Variants in POLQ observed in about 807,000 individuals in gnomAD.
The protein encoded by POLQ is epididymis secretory sperm binding protein.
Under a neutral mutation model 259.2 loss-of-function variants are expected in POLQ, and 233 were observed. That is an observed-to-expected ratio of 0.90 (90% CI 0.81 to 1.00). POLQ has a LOEUF of 1.00. POLQ is among the 50% of genes least tolerant of loss of function. The pLI is 0.00. For missense variants in POLQ, 2,871 were observed against 3,051.6 expected (o/e 0.94, Z 1.39); for synonymous variants, 1,025 against 1,048.8 (o/e 0.98, Z 0.44).
intron 19 of POLQ, among the ~76,000 whole-genome samples, chr3:121,480,549 G>A (rs1169188274): frequency 6.6e-6 from 1 of 150,866 alleles, no homozygotes; most frequent in African/African-American, 2.4e-5. Flanking sequence ...TCAAACTTCT[G>A]GGCTCCAGTG....
At chr3:121,468,275 T>G in intron 23 of POLQ, 30 bp downstream of exon 23, 1 of 1,569,016 alleles carries the variant, frequency 6.4e-7, no homozygotes, top group Non-Finnish European at 8.6e-7. Flanking sequence ...CAAAAGTTTA[T>G]TAATACAGAT....
At position 121,490,204 on chromosome 3, in the gene POLQ, G is replaced by A; in HGVS notation, c.2727C>T (p.Cys909=). 2 of 1,613,704 alleles carry A rather than the reference G, an allele frequency of 1.2e-6. No homozygotes were observed. The highest frequency in any genetic ancestry group is 4.5e-5 in the East Asian group (2 of 44,880). Reference sequence around the variant, plus strand: ...CTTCGGACTCACTATGAGTCAATGAGCATGTACTAGAATGTAACAGGGCAC... The same window carrying A: ...CTTCGGACTCACTATGAGTCAATGAACATGTACTAGAATGTAACAGGGCAC... ...NPCALLHSST[C]SLTHSESEVK... The change falls in exon 16 of 30, where the codon TGC becomes TGT. Residue 909 remains cysteine, a synonymous_variant. Transcript: ENST00000264233.
chr3:121,529,239 G>A (rs945897075), intron 7 of POLQ, among the ~76,000 whole-genome samples: 1 of 152,134 alleles, frequency 6.6e-6, no homozygotes, highest in Non-Finnish European at 1.5e-5. Context: ...ATGTATGTAT[G>A]TGTGTATGAT....
intron 27 of POLQ, among the ~76,000 whole-genome samples, chr3:121,437,176 C>A (rs935650932): frequency 6.6e-6 from 1 of 152,046 alleles, no homozygotes; most frequent in African/African-American, 2.4e-5. Context: ...TGAAACCAGC[C>A]TGGGCAACAT....
At position 121,510,126 on chromosome 3, in the gene POLQ, C is replaced by A. The variant is rs2048242213; in HGVS notation, c.1729G>T (p.Val577Phe). 3 of 1,614,106 alleles carry A rather than the reference C, an allele frequency of 1.9e-6. No individual in the cohort carries two copies. In the East Asian group the frequency reaches 6.7e-5, roughly 36 times the overall value. Residue 577 changes from valine (V) to phenylalanine (F), a missense_variant, in exon 11 of 30, where the codon GTT (valine) becomes TTT (phenylalanine). Transcript: ENST00000264233. ...CAGGCCTCAATCGCTCCAAGCTGAA[C>A]AGACTCTTGATTTCTCTGAATTCCT... ...KQGIQRNQES[V>F]QLGAIEACVM...
At chr3:121,497,705 G>A (rs1219086354) in intron 13 of POLQ, among the ~76,000 whole-genome samples, 1 of 152,098 alleles carries the variant, frequency 6.6e-6, no homozygotes, top group Non-Finnish European at 1.5e-5. Context: ...CCAAAGTGCT[G>A]GGATTACAGG....
In POLQ at chr3:121,537,192, A is replaced by T; in HGVS notation, c.648T>A (p.Asp216Glu). The change falls in exon 5 of 30, where the codon GAT becomes GAA. Residue 216 changes from aspartate to glutamate, a missense_variant. By Grantham distance (45) the Asp-to-Glu change is conservative. Around this residue, in one of 3 missense-constraint regions of POLQ, gnomAD observed 783 missense variants for 906.2 expected, o/e 0.86. Coordinates refer to ENST00000264233, the MANE Select transcript of POLQ (RefSeq NM_199420.4). The stretch of plus-strand genomic sequence containing the variant: ...GAGAGTCTCCCAGCATATGTAATTC[A>T]TCCACAACCACCATTCCTAAAAAGA... ...KMDLLGMVVV[D>E]ELHMLGDSHR... 1 of 1,588,428 alleles carries T rather than the reference A, an allele frequency of 6.3e-7. No homozygotes were observed. The highest frequency in any genetic ancestry group is 8.6e-7 in the Non-Finnish European group (1 of 1,157,474).
At chr3:121,516,246 T>C (rs1280236388) in intron 9 of POLQ, among the ~76,000 whole-genome samples, 1 of 152,180 alleles carries the variant, frequency 6.6e-6, no homozygotes, top group African/African-American at 2.4e-5. Flanking sequence ...CAAAAATATA[T>C]ACAATTATAA....
chr3:121,446,778 T>C (rs376937538), intron 26 of POLQ, among the ~76,000 whole-genome samples: 1 of 152,222 alleles, frequency 6.6e-6, no homozygotes, highest in Non-Finnish European at 1.5e-5. Context: ...TTGATCTTTT[T>C]TGGTTTCCAT....
At chr3:121,540,732 C>T (rs2048483682) in intron 3 of POLQ, among the ~76,000 whole-genome samples, 1 of 152,124 alleles carries the variant, frequency 6.6e-6, no homozygotes, top group Non-Finnish European at 1.5e-5. Flanking sequence ...AATGCTGATT[C>T]TTAATGTGCG....
chr3:121,453,118 C>A (rs2047694607), intron 25 of POLQ, among the ~76,000 whole-genome samples: 1 of 152,220 alleles, frequency 6.6e-6, no homozygotes. Flanking sequence ...CTGTTGATAT[C>A]CAGGCAACCA....
chr3:121,511,459 G>A (rs186246431), intron 10 of POLQ, among the ~76,000 whole-genome samples: 66 of 152,006 alleles, frequency 4.3e-4, no homozygotes, highest in South Asian at 2.9e-3. Flanking sequence ...ATAACACAGC[G>A]AGACTCCATC....
chr3:121,470,333 C>T (rs1332890769), intron 22 of POLQ, among the ~76,000 whole-genome samples: 2 of 152,138 alleles, frequency 1.3e-5, no homozygotes, highest in African/African-American at 4.8e-5. Flanking sequence ...TTTTATTTTA[C>T]GTAAGTTTAT....
chr3:121,489,098 G>A lies in POLQ; in HGVS notation c.3833C>T (p.Ser1278Leu). The A allele has an allele frequency of 6.2e-7, 1 of 1,613,552 alleles. No homozygotes were observed. The highest frequency in any genetic ancestry group is 1.1e-5 in the South Asian group (1 of 91,070). Residue 1278 changes from serine (S) to leucine (L), a missense_variant, in exon 16 of 30, where the codon TCA becomes TTA. This residue lies in a region of POLQ where 2,080 missense variants were observed against 2,126.0 expected (regional missense o/e 0.98). Transcript: ENST00000264233. ...VLPSAGAFSK[S>L]EGQHENFLNI... ...TAGAAAATTCTCATGCTGGCCTTCT[G>A]ATTTGCTAAATGCTCCAGCTGATGG...
chr3:121,466,441 A>C (rs1324967650), intron 24 of POLQ, among the ~76,000 whole-genome samples: 1 of 150,764 alleles, frequency 6.6e-6, no homozygotes, highest in Admixed American at 6.6e-5. Flanking sequence ...CTGTAATCCC[A>C]GCACTTTGGG....
intron 25 of POLQ, among the ~76,000 whole-genome samples, chr3:121,454,003 G>C (rs938406438): frequency 6.6e-6 from 1 of 152,204 alleles, no homozygotes; most frequent in Non-Finnish European, 1.5e-5. Flanking sequence ...TACCCACAAA[G>C]GGAAGCCCAT....
chr3:121,511,855 A>G lies in POLQ; in HGVS notation c.1611+32T>C, dbSNP rs1448390225. 4.5e-6 allele frequency: 7 copies of G among 1,552,510 alleles called. No individual in the cohort carries two copies. The African/African-American group carries it at 9.6e-5, about 21-fold the overall frequency. Reference sequence around the variant, plus strand: ...CATTTTACTAATTTAGGCATAAAAGAGCAAATGGTAATTTAGTAAATTCTC... The same window carrying G: ...CATTTTACTAATTTAGGCATAAAAGGGCAAATGGTAATTTAGTAAATTCTC... On this transcript the variant is annotated intron_variant, in intron 10 of 29. Coordinates refer to ENST00000264233, the MANE Select transcript of POLQ (RefSeq NM_199420.4).
rs1443255406 is a variant in POLQ at position 121,536,989 on chromosome 3, T to C, written c.740+111A>G. The C allele has an allele frequency of 1.4e-5, 9 of 655,484 alleles. No homozygotes were observed. The South Asian group carries it at 1.8e-4, about 13-fold the overall frequency. 40.6% of individuals were successfully genotyped at this position (655,484 alleles called of 1,614,324 possible). A position where few individuals can be genotyped will look rare whatever the true frequency, so the allele number is the denominator to read the frequency against. On this transcript the variant is annotated intron_variant, in intron 5 of 29. Transcript: ENST00000264233. ...AACTACTATACATAAGTTTTCTCAA[T>C]AAGAAAAATATTACACTCCCTTAAT...
chr3:121,488,736 T>G lies in POLQ; in HGVS notation c.4195A>C (p.Lys1399Gln). 1 of 1,614,054 alleles carries G rather than the reference T, an allele frequency of 6.2e-7. No individual in the cohort carries two copies. Among genetic ancestry groups the G allele is most frequent in the South Asian group, 1.1e-5 (1 of 91,066 alleles). Residue 1399 changes from lysine (K) to glutamine (Q), a missense_variant, in exon 16 of 30, where the codon AAA (lysine) becomes CAA (glutamine). By Grantham distance (53) the Lys-to-Gln change is moderately conservative. Around this residue, in one of 3 missense-constraint regions of POLQ, gnomAD observed 2,080 missense variants for 2,126.0 expected, o/e 0.98. Transcript: ENST00000264233. Reference sequence around the variant, plus strand: ...ACCCCATGTGAATCACTGCTTTGTTTCATAGTACCTACAGTCTTAAGGTCC... The same window carrying G: ...ACCCCATGTGAATCACTGCTTTGTTGCATAGTACCTACAGTCTTAAGGTCC... ...HLDLKTVGTM[K>Q]QSSDSHGVDI...
Sources: gnomAD v4.1 joint callset for allele counts (sites outside exome capture counted in the v4.1 genomes callset) on GRCh38, gnomAD v4.1.1 for gene constraint, gnomAD v4.1.1 regional missense constraint, MANE v1.5 for transcripts, NCBI Gene and HGNC (gene_info 2026-07-23, HGNC 2026-07-21) for gene names.